TEP1: variants seen among roughly 807,000 people sequenced by gnomAD.
TEP1 encodes the protein telomerase protein component 1.
A neutral mutation model predicts 306.3 loss-of-function variants in TEP1; 241 were observed. The ratio of observed to expected loss-of-function variants is 0.79; its 90% confidence interval spans 0.71 to 0.88. TEP1 has a LOEUF of 0.88. Ranked by LOEUF, TEP1 falls within the 40% of genes least tolerant of loss-of-function variation. The pLI, the probability that TEP1 is intolerant of heterozygous loss-of-function variation, is 0.00. For missense variants in TEP1, 3,051 were observed against 3,276.1 expected (o/e 0.93, Z 1.68); for synonymous variants, 1,289 against 1,305.5 (o/e 0.99, Z 0.27).
rs1487780787 is a variant in TEP1 at position 20,381,979 on chromosome 14, G to C, written c.4358C>G (p.Ala1453Gly). Residue 1453 changes from alanine (A) to glycine (G), a missense_variant, in exon 30 of 55, where the codon GCT becomes GGT. By Grantham distance (60) the Ala-to-Gly change is moderately conservative. Around this residue, in one of 3 missense-constraint regions of TEP1, gnomAD observed 1,540 missense variants for 1,705.9 expected, o/e 0.90. Coordinates refer to ENST00000262715, the MANE Select transcript of TEP1 (RefSeq NM_007110.5). This position sits in a 1 kb window ranked among gnomAD's most constrained non-coding sequence, Gnocchi z 4.0. ...KGTKSWEEAV[A>G]AGNSGDPYPM... ...GTAGGGGTCTCCACTGTTACCAGCA[G>C]CCACTGCTTCTTCCCAGCTCTTAGT... 2 of 1,614,036 alleles carry C rather than the reference G, an allele frequency of 1.2e-6. No individual in the cohort carries two copies. The highest frequency in any genetic ancestry group is 1.7e-6 in the Non-Finnish European group (2 of 1,180,032).
At position 20,410,020 on chromosome 14, in the gene TEP1, C is replaced by CAAAAAAAAAAAAAAAAAAA. The variant is rs570672845; in HGVS notation, c.-24-1576_-24-1558dup. Among the ~76,000 whole-genome samples the CAAAAAAAAAAAAAAAAAAA allele has an allele frequency of 2.5e-4, 15 of 58,954 alleles. 1 individual carries two copies. Among genetic ancestry groups the CAAAAAAAAAAAAAAAAAAA allele is most frequent in the Non-Finnish European group, 3.2e-4 (10 of 30,870 alleles). The allele number at this position is 58,954 out of a possible 152,430, so 38.7% of individuals were successfully genotyped here. A position where few individuals can be genotyped will look rare whatever the true frequency, so the allele number is the denominator to read the frequency against. ...TGGGCGACAGAGCAAGACTCTGTCT[C>CAAAAAAAAAAAAAAAAAAA]AAAAAAAAAAAAAAAAAAAAAAAAA... On this transcript the variant is annotated intron_variant, in intron 1 of 54. Coordinates refer to ENST00000262715, the MANE Select transcript of TEP1 (RefSeq NM_007110.5).
At chr14:20,393,143 G>A (rs1877870410) in intron 12 of TEP1, among the ~76,000 whole-genome samples, 1 of 152,024 alleles carries the variant, frequency 6.6e-6, no homozygotes, top group Non-Finnish European at 1.5e-5. Flanking sequence ...TGTGAACCCA[G>A]GAGGTGGAGC....
chr14:20,383,717 G>C, intron 25 of TEP1, 26 bp downstream of exon 25: 2 of 1,609,332 alleles, frequency 1.2e-6, no homozygotes, highest in East Asian at 2.2e-5. Flanking sequence ...GCATCAACAA[G>C]GCTGGGCTCA....
chr14:20,401,245 G>A, intron 8 of TEP1, 104 bp from the exon 9 acceptor site: 1 of 1,434,630 alleles, frequency 7.0e-7, no homozygotes, highest in Non-Finnish European at 9.4e-7. Context: ...GCCCAAATAT[G>A]CCTAAAAATA....
At chr14:20,383,025 A>C in intron 27 of TEP1, 149 bp downstream of exon 27, 1 of 981,736 alleles carries the variant, frequency 1.0e-6, no homozygotes, top group South Asian at 1.7e-5. Flanking sequence ...AGGAATCACA[A>C]TTTTCTTATT....
chr14:20,401,204 GA>G, intron 8 of TEP1, 63 bp from the exon 9 acceptor site: 7 of 1,578,316 alleles, frequency 4.4e-6, no homozygotes, highest in Non-Finnish European at 6.0e-6. Context: ...CTCAGAAAAG[GA>G]AAGGTGAGTC....
intron 1 of TEP1, among the ~76,000 whole-genome samples, chr14:20,409,030 A>G (rs866213414): frequency 1.1e-4 from 16 of 152,228 alleles, no homozygotes; most frequent in African/African-American, 3.9e-4. Context: ...CAAGTTGTCA[A>G]TATTCACCAC....
In TEP1 at chr14:20,383,848, G is replaced by A. The variant is rs1217332747; in HGVS notation, c.3605C>T (p.Ser1202Phe). 1 of 1,604,770 alleles carries A rather than the reference G, an allele frequency of 6.2e-7. No individual in the cohort carries two copies. The highest frequency in any genetic ancestry group is 8.5e-7 in the Non-Finnish European group (1 of 1,179,080). Residue 1202 changes from serine to phenylalanine, a missense_variant, in exon 25 of 55, where the codon TCT becomes TTT. Physicochemically the swap from Ser to Phe is radical, Grantham distance 155. This residue lies in a region of TEP1 where 1,507 missense variants were observed against 1,550.5 expected (regional missense o/e 0.97). Transcript: ENST00000262715. ...KVASLVFFHF[S>F]GARPDQGLAL... is the part of the protein sequence containing the mutation. ...AAGACCCTGGTCAGGACGAGCCCCAGAAAAGTGGAAGAAGACTAATGATGC... is the reference window on the plus strand; with the variant it reads ...AAGACCCTGGTCAGGACGAGCCCCAAAAAAGTGGAAGAAGACTAATGATGC...
chr14:20,407,833 A>G (rs1199911623), intron 2 of TEP1, 40 bp downstream of exon 2: 2 of 1,498,150 alleles, frequency 1.3e-6, no homozygotes, highest in East Asian at 4.5e-5. Flanking sequence ...AGCATACAAC[A>G]GACATGGCTG....
chr14:20,400,854 T>C (rs547230883), intron 9 of TEP1, 130 bp downstream of exon 9: 2 of 1,247,110 alleles, frequency 1.6e-6, no homozygotes, highest in South Asian at 3.0e-5. Context: ...GCAGACCTTA[T>C]AAATCAAATA....
chr14:20,403,406 T>C lies in TEP1; in HGVS notation c.1237A>G (p.Ile413Val), dbSNP rs148838117. 32 of 1,614,052 alleles carry C rather than the reference T, an allele frequency of 2.0e-5. No individual in the cohort carries two copies. Among genetic ancestry groups the C allele is most frequent in the Non-Finnish European group, 2.5e-5 (29 of 1,180,030 alleles). The change falls in exon 7 of 55, where the codon ATA becomes GTA. Residue 413 changes from isoleucine (I) to valine (V), a missense_variant. This residue lies in a region of TEP1 where 1,507 missense variants were observed against 1,550.5 expected (regional missense o/e 0.97). Transcript: ENST00000262715. Reference sequence around the variant, plus strand: ...CTCTGCTCTTCTCTGAGAAACCCTATGTACCTTGGAAAACATCTGTGAGAA... The same window carrying C: ...CTCTGCTCTTCTCTGAGAAACCCTACGTACCTTGGAAAACATCTGTGAGAA... ...PFSHRCFPRY[I>V]GFLREEQRKF...
intron 34 of TEP1, 79 bp downstream of exon 34, chr14:20,380,156 C>A: frequency 1.3e-6 from 2 of 1,580,290 alleles, no homozygotes; most frequent in South Asian, 2.4e-5. Flanking sequence ...TGTTTCTGGT[C>A]ATCCTTATTC....
In TEP1 at chr14:20,387,408, C is replaced by T. The variant is rs151271261; in HGVS notation, c.2684+497G>A. On this transcript the variant is annotated intron_variant, in intron 18 of 54. Transcript: ENST00000262715. ...CTAAAAATCCAAAAAAAAAATTAGC[C>T]GGGCATGGTGGCAGGCGCCTGTAGT... 7.2e-3 allele frequency among the ~76,000 whole-genome samples: 1,090 copies of T among 150,928 alleles called. 13 individuals are homozygous for T. The highest frequency in any genetic ancestry group is 0.025 in the African/African-American group (1,017 of 41,200).
chr14:20,371,167 C>A (rs773077493), intron 51 of TEP1, 51 bp downstream of exon 51: 21 of 1,539,216 alleles, frequency 1.4e-5, no homozygotes, highest in Non-Finnish European at 1.8e-5. Flanking sequence ...GGTGTAAAAA[C>A]ACTGGTCCTA....
At position 20,375,844 on chromosome 14, in the gene TEP1, T is replaced by A. The variant is rs1173969772; in HGVS notation, c.6274A>T (p.Thr2092Ser). Residue 2092 changes from threonine to serine, a missense_variant, in exon 43 of 55, where the codon ACA becomes TCA. This residue lies in a region of TEP1 where 1,540 missense variants were observed against 1,705.9 expected (regional missense o/e 0.90). Transcript: ENST00000262715. The stretch of plus-strand genomic sequence containing the variant: ...TGGATCAAAACAGGGGTTTTGGGTG[T>A]CCTCACGTCCCAGCAGAGGAGACTC... ...DRSLLCWDVR[T>S]PKTPVLIHSF... is the part of the protein sequence containing the mutation. 1 of 1,613,312 alleles carries A rather than the reference T, an allele frequency of 6.2e-7. No homozygotes were observed. Among genetic ancestry groups the A allele is most frequent in the Non-Finnish European group, 8.5e-7 (1 of 1,179,836 alleles).
intron 15 of TEP1, 119 bp from the exon 16 acceptor site, chr14:20,389,859 G>A: frequency 7.7e-7 from 1 of 1,302,280 alleles, no homozygotes; most frequent in East Asian, 2.4e-5. Context: ...TACCTCTCCT[G>A]AGAGCACATA....
Position 20,381,588 on chromosome 14 carries a change from G to C in TEP1, c.4523C>G (p.Pro1508Arg). The change falls in exon 31 of 55, where the codon CCA (proline) becomes CGA (arginine). Residue 1508 changes from proline to arginine, a missense_variant. Transcript: ENST00000262715. This position sits in a 1 kb window ranked among gnomAD's most constrained non-coding sequence, Gnocchi z 4.0. ...GATGTGTGCCGTGTCCTCTAGCCCT[G>C]GCCTCTTCCCATAGCAACGTTTAGC... Reference protein sequence around the residue: ...TAAKRCYGKRPGLEDTAHILI... With the variant: ...TAAKRCYGKRRGLEDTAHILI... The C allele has an allele frequency of 6.2e-7, 1 of 1,613,846 alleles. No homozygotes were observed. Among genetic ancestry groups the C allele is most frequent in the Non-Finnish European group, 8.5e-7 (1 of 1,180,008 alleles).
Position 20,378,178 on chromosome 14 carries a change from AC to A in TEP1, c.5566del (p.Val1856LeufsTer45), listed in dbSNP as rs746695887. On this transcript the variant is annotated frameshift_variant, in exon 39 of 55. Coordinates refer to ENST00000262715, the MANE Select transcript of TEP1 (RefSeq NM_007110.5). LOFTEE classifies it high-confidence loss of function. ...RTLAFNVPGG[V>X]VAVGRLDSMV... The stretch of plus-strand genomic sequence containing the variant: ...ACTGTCCAGCCGGCCCACAGCCACA[AC>A]CCCCCCAGGCACATTGAAGGCCAAG... The A allele has an allele frequency of 9.3e-6, 15 of 1,613,132 alleles. No homozygotes were observed. The highest frequency in any genetic ancestry group is 5.0e-5 in the Admixed American group (3 of 59,930).
intron 9 of TEP1, among the ~76,000 whole-genome samples, chr14:20,397,915 G>A (rs1878335758): frequency 6.6e-6 from 1 of 151,884 alleles, no homozygotes; most frequent in African/African-American, 2.4e-5. Context: ...ACCATGCCTG[G>A]CTAATTTTTG....
Sources: gnomAD v4.1 joint callset for allele counts (sites outside exome capture counted in the v4.1 genomes callset) on GRCh38, gnomAD v4.1.1 for gene constraint, gnomAD v4.1.1 regional missense constraint, Gnocchi (gnomAD v3.1) non-coding constraint, MANE v1.5 for transcripts, NCBI Gene and HGNC (gene_info 2026-07-23, HGNC 2026-07-21) for gene names.